Variants in KPNA7 observed in about 807,000 individuals in gnomAD.
The protein encoded by KPNA7 is karyopherin subunit alpha 7, also known as importin subunit alpha-8.
A neutral mutation model predicts 53.7 loss-of-function variants in KPNA7; 54 were observed. The observed-to-expected ratio is 1.01, with a 90% CI of 0.81 to 1.26. The LOEUF is 1.26. Ranked by LOEUF, KPNA7 falls within the 50% of genes most tolerant of loss-of-function variation. The pLI, the probability that KPNA7 is intolerant of heterozygous loss-of-function variation, is 0.00. For missense variants in KPNA7, 640 were observed against 644.5 expected, an observed-to-expected ratio of 0.99 and a Z score of 0.07; for synonymous variants, 276 against 259.3, an observed-to-expected ratio of 1.06 and a Z score of -0.62.
the KPNA7 span, among the ~76,000 whole-genome samples, chr7:99,155,205 C>T: frequency 3.9e-5 from 6 of 152,110 alleles, no homozygotes; most frequent in Non-Finnish European, 7.4e-5. Flanking sequence ...TCTATTTCTA[C>T]TTTTAAATAT....
intron 2 of KPNA7, among the ~76,000 whole-genome samples, chr7:99,204,070 A>T (rs1419312733): frequency 2.2e-4 from 34 of 152,216 alleles, no homozygotes; most frequent in African/African-American, 6.0e-4. Context: ...CCAAGTCTAC[A>T]TACTGAGGGA....
intron 2 of KPNA7, among the ~76,000 whole-genome samples, chr7:99,206,306 C>G (rs1790812706): frequency 6.6e-6 from 1 of 151,540 alleles, no homozygotes; most frequent in Non-Finnish European, 1.5e-5. Context: ...GATTACAGGC[C>G]CCCGCCACCA....
chr7:99,214,198 G>A (rs1791146337), intron 1 of KPNA7, among the ~76,000 whole-genome samples: 1 of 151,850 alleles, frequency 6.6e-6, no homozygotes, highest in Non-Finnish European at 1.5e-5. Context: ...GGGAGGCCAA[G>A]GTGGGCAGAT....
At chr7:99,181,009 C>CTG in intron 9 of KPNA7, among the ~76,000 whole-genome samples, 1 of 34,306 alleles carries the variant, frequency 2.9e-5, no homozygotes, top group Admixed American at 2.6e-4. Flanking sequence ...CTGTCTCTCT[C>CTG]TCTCTGTGTG....
chr7:99,214,303 G>T (rs35244406), intron 1 of KPNA7, among the ~76,000 whole-genome samples: 17 of 151,188 alleles, frequency 1.1e-4, no homozygotes, highest in Non-Finnish European at 1.2e-4. Context: ...ATTAGCCAGG[G>T]ATGGTGGCAT....
intron 4 of KPNA7, among the ~76,000 whole-genome samples, chr7:99,195,806 AACATTTTCC>A (rs1790200185): frequency 6.6e-6 from 1 of 152,182 alleles, no homozygotes; most frequent in Non-Finnish European, 1.5e-5. Flanking sequence ...GTATTAAATC[AACATTTTCC>A]CCTTTAAGGT....
intron 2 of KPNA7, 109 bp from the exon 3 acceptor site, chr7:99,203,349 G>T: frequency 1.7e-6 from 2 of 1,156,268 alleles, no homozygotes; most frequent in Non-Finnish European, 2.4e-6. Flanking sequence ...GATACAATAG[G>T]CTGGAAAAGT....
chr7:99,187,236 G>A (rs1297381267), intron 7 of KPNA7, among the ~76,000 whole-genome samples: 1 of 152,112 alleles, frequency 6.6e-6, no homozygotes, highest in Non-Finnish European at 1.5e-5. Flanking sequence ...GTTGCAGTGA[G>A]CCAAGATTGT....
Position 99,187,292 on chromosome 7 carries a change from A to AC in KPNA7, c.900+1007dup, listed in dbSNP as rs542351478. On this transcript the variant is annotated intron_variant, in intron 7 of 10. Coordinates refer to ENST00000327442, the MANE Select transcript of KPNA7 (RefSeq NM_001145715.3). ...ATGACAGAGAGACTCCGTCTCACAC[A>AC]CAAAAAAAATAATAACCTAGAAAAG... Among the ~76,000 whole-genome samples, 33 of 152,286 alleles carry AC rather than the reference A, an allele frequency of 2.2e-4. No individual in the cohort carries two copies. In the East Asian group the frequency reaches 3.9e-3, roughly 18 times the overall value.
intron 4 of KPNA7, 127 bp downstream of exon 4, chr7:99,195,957 C>A (rs1249537244): frequency 1.4e-6 from 1 of 722,638 alleles, no homozygotes; most frequent in South Asian, 1.8e-5. Context: ...GATGGGCTAG[C>A]CTTTTCCTGT....
rs565359658 is a variant in KPNA7, at chr7:99,177,970, G to A, written c.1414C>T (p.Arg472Cys). 153 of 1,551,870 alleles carry A rather than the reference G, an allele frequency of 9.9e-5. 5 individuals are homozygous for A. The South Asian group carries it at 1.5e-3, about 15-fold the overall frequency. ...TTCAAAGCCGACTGGCCAATTTGAC[G>A]GTTCTCATGCAGCTGTAAAGCCTCA... The part of the protein sequence containing the change: ...RIEALQLHEN[R>C]QIGQSALNII... Residue 472 changes from arginine to cysteine, a missense_variant, in exon 10 of 11, where the codon CGT (arginine) becomes TGT (cysteine). Arg to Cys is a radical substitution (Grantham distance 180). Coordinates refer to ENST00000327442, the MANE Select transcript of KPNA7 (RefSeq NM_001145715.3).
At chr7:99,156,019 GAA>G in the KPNA7 span, among the ~76,000 whole-genome samples, 1 of 152,010 alleles carries the variant, frequency 6.6e-6, no homozygotes, top group East Asian at 1.9e-4. Context: ...TTCTAATATG[GAA>G]AAAACAGGCT....
chr7:99,197,333 C>T (rs372607718), intron 3 of KPNA7, among the ~76,000 whole-genome samples: 1 of 152,150 alleles, frequency 6.6e-6, no homozygotes, highest in Non-Finnish European at 1.5e-5. Flanking sequence ...AACTACTAAA[C>T]GAGCACACCC....
chr7:99,207,576 G>GCTCA (rs2150779374), intron 1 of KPNA7, 87 bp from the exon 2 acceptor site: 1 of 479,876 alleles, frequency 2.1e-6, no homozygotes, highest in East Asian at 6.1e-5. Flanking sequence ...CCCTTAAAGG[G>GCTCA]CTCACAGTGG....
chr7:99,149,200 G>T, the KPNA7 span, among the ~76,000 whole-genome samples: 2 of 152,024 alleles, frequency 1.3e-5, no homozygotes, highest in Non-Finnish European at 2.9e-5. Flanking sequence ...ACCATGCCTG[G>T]CCCCAATAAT....
chr7:99,214,276 T>C (rs1028407362), intron 1 of KPNA7, among the ~76,000 whole-genome samples: 13 of 129,776 alleles, frequency 1.0e-4, no homozygotes, highest in African/African-American at 2.2e-4. Flanking sequence ...ACTAAAAATA[T>C]ACAAAAAAAA....
chr7:99,207,452 A>G lies in KPNA7; in HGVS notation c.15T>C (p.Asp5=), dbSNP rs981928115. The G allele has an allele frequency of 3.0e-5, 46 of 1,551,232 alleles. No homozygotes were observed. The African/African-American group carries it at 5.2e-4, about 18-fold the overall frequency. Reference sequence around the variant, plus strand: ...ATTTTCTCCGCCTCTCTTCTGGAGCATCTAAGGTCGGCATATTGACTGGAA... The same window carrying G: ...ATTTTCTCCGCCTCTCTTCTGGAGCGTCTAAGGTCGGCATATTGACTGGAA... MPTL[D]APEERRRKFK... is the part of the protein sequence containing the mutation. The change falls in exon 2 of 11, where the codon GAT becomes GAC. Residue 5 remains aspartate, a synonymous_variant. Coordinates refer to ENST00000327442, the MANE Select transcript of KPNA7 (RefSeq NM_001145715.3).
intron 8 of KPNA7, among the ~76,000 whole-genome samples, chr7:99,182,354 C>T (rs930573239): frequency 4.6e-5 from 7 of 152,164 alleles, no homozygotes; most frequent in Non-Finnish European, 8.8e-5. Flanking sequence ...TGTGCCACCA[C>T]GCCCAGCTAA....
At chr7:99,214,923 C>T (rs1312735000) in intron 1 of KPNA7, among the ~76,000 whole-genome samples, 1 of 152,054 alleles carries the variant, frequency 6.6e-6, no homozygotes, top group Non-Finnish European at 1.5e-5. Context: ...TTGCCAATGG[C>T]ACAATTATCT....
Sources: allele counts gnomAD v4.1 joint callset (sites outside exome capture counted in the v4.1 genomes callset), GRCh38; gene constraint gnomAD v4.1.1; transcripts MANE v1.5; gene names NCBI Gene and HGNC (gene_info 2026-07-23, HGNC 2026-07-21).